The following VAMP4 variants were observed in gnomAD, a reference collection of about 807,000 sequenced individuals.
VAMP4 encodes vesicle-associated membrane protein 4.
Under a neutral mutation model 23.5 loss-of-function variants are expected in VAMP4, and 19 were observed. The observed-to-expected ratio is 0.81, with a 90% CI of 0.56 to 1.19. VAMP4 has a LOEUF of 1.19. Among genes scored for constraint, VAMP4 ranks in the 50% most tolerant of loss-of-function variants. VAMP4 has a pLI of 0.00. For synonymous variants in VAMP4, 31 were observed against 51.0 expected (o/e 0.61, Z 1.67); for missense variants, 145 against 168.6 (o/e 0.86, Z 0.78).
chr1:171,724,747 C>T (rs116141391), intron 3 of VAMP4, among the ~76,000 whole-genome samples: 2,399 of 152,106 alleles, frequency 0.016, 50 homozygotes, highest in East Asian at 0.11. Context: ...ATGCTTAGAG[C>T]CTCCAATAGC....
chr1:171,719,493 TA>T (rs112397584), intron 3 of VAMP4, among the ~76,000 whole-genome samples: 1,662 of 152,246 alleles, frequency 0.011, 31 homozygotes, highest in African/African-American at 0.038. Flanking sequence ...TATATTATCT[TA>T]TATAACAAAC....
intron 3 of VAMP4, among the ~76,000 whole-genome samples, chr1:171,728,097 T>C (rs942089388): frequency 6.6e-6 from 1 of 152,202 alleles, no homozygotes; most frequent in African/African-American, 2.4e-5. Flanking sequence ...AAATATTAAA[T>C]GGAAAATTCC....
intron 2 of VAMP4, among the ~76,000 whole-genome samples, chr1:171,730,583 T>A (rs935351820): frequency 2.0e-5 from 3 of 151,730 alleles, no homozygotes; most frequent in African/African-American, 7.3e-5. Context: ...AGGACTAGAA[T>A]TAAAAAGTAA....
intron 3 of VAMP4, among the ~76,000 whole-genome samples, chr1:171,723,012 T>A (rs1223601729): frequency 6.6e-6 from 1 of 152,118 alleles, no homozygotes. Context: ...AGGGAAAGAC[T>A]ACAAAAGAGA....
rs569284389 is a variant in VAMP4 at position 171,702,740 on chromosome 1, T to C, written c.*1766A>G. The stretch of plus-strand genomic sequence containing the variant: ...TGGGTATCTTAACTTAAAAGATTTA[T>C]TAGCTGTTCAGATGCTGTTTATATT... On this transcript the variant is annotated 3_prime_UTR_variant, in exon 8 of 8. Transcript: ENST00000236192. 5 of 152,178 alleles carry C rather than the reference T, an allele frequency of 3.3e-5. No homozygotes were observed. Among genetic ancestry groups the C allele is most frequent in the African/African-American group, 1.2e-4 (5 of 41,582 alleles). 9.4% of individuals were successfully genotyped at this position (152,178 alleles called of 1,614,324 possible).
intron 1 of VAMP4, among the ~76,000 whole-genome samples, chr1:171,741,354 T>G (rs929100821): frequency 6.6e-6 from 1 of 152,138 alleles, no homozygotes; most frequent in Non-Finnish European, 1.5e-5. Context: ...AGAAATAAAG[T>G]GACTTGGATG....
At chr1:171,736,166 C>T (rs966885828) in intron 2 of VAMP4, among the ~76,000 whole-genome samples, 5 of 152,146 alleles carry the variant, frequency 3.3e-5, no homozygotes, top group African/African-American at 1.2e-4. Context: ...GGATTACAGG[C>T]GCGAGCCACC....
chr1:171,726,186 G>T (rs1655364018), intron 3 of VAMP4, among the ~76,000 whole-genome samples: 1 of 151,864 alleles, frequency 6.6e-6, no homozygotes, highest in Non-Finnish European at 1.5e-5. Context: ...CAAGTAGCTG[G>T]GTCTATAGGC....
Position 171,710,797 on chromosome 1 carries a change from T to G in VAMP4, c.182A>C (p.Asp61Ala). The change falls in exon 5 of 8, where the codon GAT becomes GCT. Residue 61 changes from aspartate to alanine, a missense_variant. Coordinates refer to ENST00000236192, the MANE Select transcript of VAMP4 (RefSeq NM_003762.5). ...TTCTTGCATGACATCAATAACTTCA[T>G]CCACTTGATTCTGAACACTAGTTTA... The part of the protein sequence containing the change: ...DKIKHVQNQV[D>A]EVIDVMQENI... The G allele has an allele frequency of 6.2e-7, 1 of 1,606,280 alleles. No homozygotes were observed. The highest frequency in any genetic ancestry group is 1.3e-5 in the African/African-American group (1 of 74,758).
chr1:171,735,237 A>G (rs1655702222), intron 2 of VAMP4, among the ~76,000 whole-genome samples: 1 of 152,264 alleles, frequency 6.6e-6, no homozygotes, highest in Non-Finnish European at 1.5e-5. Context: ...AGGGGAACTT[A>G]GGAAATATAA....
chr1:171,732,759 G>A (rs1051134871), intron 2 of VAMP4, among the ~76,000 whole-genome samples: 1 of 151,994 alleles, frequency 6.6e-6, no homozygotes, highest in Non-Finnish European at 1.5e-5. Flanking sequence ...CTCTTAAGAT[G>A]GGTAAGTTAT....
In VAMP4 at chr1:171,700,360, C is replaced by T. The variant is rs1356411349; in HGVS notation, c.*4146G>A. 1 of 151,990 alleles carries T rather than the reference C, an allele frequency of 6.6e-6. No individual in the cohort carries two copies. Among genetic ancestry groups the T allele is most frequent in the Admixed American group, 6.6e-5 (1 of 15,256 alleles). 9.4% of individuals were successfully genotyped at this position (151,990 alleles called of 1,614,324 possible). ...CATTTCAAAACATCAAAGGCACTTA[C>T]CAAAGTGATTAAATAAGGGAGTGTG... On this transcript the variant is annotated 3_prime_UTR_variant, in exon 8 of 8. Coordinates refer to ENST00000236192, the MANE Select transcript of VAMP4 (RefSeq NM_003762.5).
At chr1:171,733,284 C>T (rs1380097136) in intron 2 of VAMP4, among the ~76,000 whole-genome samples, 1 of 130,024 alleles carries the variant, frequency 7.7e-6, no homozygotes. Context: ...ACGGTGAAAC[C>T]CCATCTCTAC....
intron 6 of VAMP4, among the ~76,000 whole-genome samples, chr1:171,706,873 C>CT (rs1159695110): frequency 7.9e-5 from 12 of 152,078 alleles, no homozygotes; most frequent in Admixed American, 7.2e-4. Flanking sequence ...TACTTTAAGC[C>CT]TTTTTTATTA....
chr1:171,715,766 T>C (rs1232036994), intron 4 of VAMP4, among the ~76,000 whole-genome samples: 1 of 152,156 alleles, frequency 6.6e-6, no homozygotes, highest in Non-Finnish European at 1.5e-5. Flanking sequence ...CCTAGCATTC[T>C]GGGAGACTGA....
At chr1:171,721,783 T>C (rs1269784120) in intron 3 of VAMP4, among the ~76,000 whole-genome samples, 3 of 152,222 alleles carry the variant, frequency 2.0e-5, no homozygotes, top group Non-Finnish European at 4.4e-5. Flanking sequence ...GAACATTCCA[T>C]GCTCATGGAT....
At chr1:171,709,306 A>C (rs539894295) in intron 6 of VAMP4, among the ~76,000 whole-genome samples, 1 of 152,064 alleles carries the variant, frequency 6.6e-6, no homozygotes, top group Non-Finnish European at 1.5e-5. Flanking sequence ...CCTACTTTTG[A>C]TATCTCTACA....
chr1:171,708,279 G>A (rs927011005), intron 6 of VAMP4, among the ~76,000 whole-genome samples: 2 of 147,538 alleles, frequency 1.4e-5, no homozygotes, highest in Non-Finnish European at 3.0e-5. Context: ...GGCAGAGGTT[G>A]CAGTGAGCCA....
chr1:171,704,037 T>G lies in VAMP4; in HGVS notation c.*469A>C, dbSNP rs997432592. On this transcript the variant is annotated 3_prime_UTR_variant, in exon 8 of 8. Coordinates refer to ENST00000236192, the MANE Select transcript of VAMP4 (RefSeq NM_003762.5). ...GTGGAAATTGCTTGCAAAACAACTG[T>G]AATATGAAAGGAACTATATTTCTGC... 1 of 152,534 alleles carries G rather than the reference T, an allele frequency of 6.6e-6. No homozygotes were observed. Among genetic ancestry groups the G allele is most frequent in the African/African-American group, 2.4e-5 (1 of 41,466 alleles). The allele number at this position is 152,534 out of a possible 1,614,324, so 9.4% of individuals were successfully genotyped here.
Sources: gnomAD v4.1 joint callset for allele counts (sites outside exome capture counted in the v4.1 genomes callset) on GRCh38, gnomAD v4.1.1 for gene constraint, MANE v1.5 for transcripts, NCBI Gene and HGNC (gene_info 2026-07-23, HGNC 2026-07-21) for gene names.